RANBP2: variants seen among roughly 807,000 people sequenced by gnomAD.
RANBP2 encodes RAN binding protein 2.
In RANBP2, 57 loss-of-function variants were observed where a neutral mutation model predicts 303.6. That is an observed-to-expected ratio of 0.19 (90% CI 0.15 to 0.23). RANBP2 has a LOEUF of 0.23. RANBP2 is among the 10% of genes least tolerant of loss of function. The probability of loss-of-function intolerance (pLI) is 1.00; values close to 1 mark genes in which losing one functional copy is unlikely to be tolerated. For synonymous variants in RANBP2, 1,167 were observed against 1,301.5 expected, an observed-to-expected ratio of 0.90 and a Z score of 2.23; for missense variants, 3,138 against 3,780.8, an observed-to-expected ratio of 0.83 and a Z score of 4.46.
the RANBP2 span, among the ~76,000 whole-genome samples, chr2:109,611,301 A>G: frequency 3.3e-5 from 5 of 152,362 alleles, no homozygotes; most frequent in Admixed American, 2.0e-4. Flanking sequence ...TTGACACCAA[A>G]AGCACAATCC....
chr2:109,611,753 C>T, the RANBP2 span, among the ~76,000 whole-genome samples: 10 of 152,098 alleles, frequency 6.6e-5, no homozygotes, highest in East Asian at 1.4e-3. Flanking sequence ...GGTGACAATA[C>T]GAGAAATCCA....
At chr2:108,774,493 G>A (rs1677735090) in intron 23 of RANBP2, among the ~76,000 whole-genome samples, 1 of 152,112 alleles carries the variant, frequency 6.6e-6, no homozygotes, top group African/African-American at 2.4e-5. Context: ...GGTAATACTG[G>A]TATCATAAAA....
chr2:109,318,548 T>C, the RANBP2 span, among the ~76,000 whole-genome samples: 1 of 152,214 alleles, frequency 6.6e-6, no homozygotes, highest in African/African-American at 2.4e-5. Flanking sequence ...CTGTGGTTTG[T>C]CCTTGCGGGT....
chr2:109,026,181 AC>A, the RANBP2 span, among the ~76,000 whole-genome samples: 2 of 151,860 alleles, frequency 1.3e-5, no homozygotes, highest in Non-Finnish European at 2.9e-5. Context: ...TCACTCTGTC[AC>A]CCAGGCTGGA....
the RANBP2 span, among the ~76,000 whole-genome samples, chr2:109,670,986 A>T: frequency 6.6e-6 from 1 of 152,186 alleles, no homozygotes; most frequent in South Asian, 2.1e-4. Context: ...GTGCCTGGCC[A>T]GCTTGGGCCA....
At chr2:109,206,238 C>G in the RANBP2 span, among the ~76,000 whole-genome samples, 1 of 152,090 alleles carries the variant, frequency 6.6e-6, no homozygotes, top group Non-Finnish European at 1.5e-5. Context: ...CGCCTGTAAT[C>G]CCAGCACTTT....
Position 108,765,527 on chromosome 2 carries a change from C to G in RANBP2, c.4988C>G (p.Thr1663Ser). ...APKSGFEGMF[T>S]KKEGQWDCSV... Reference sequence around the variant, plus strand: ...AAGAGCGGATTTGAGGGAATGTTCACTAAGAAGGAGGGACAGTGGGATTGC... The same window carrying G: ...AAGAGCGGATTTGAGGGAATGTTCAGTAAGAAGGAGGGACAGTGGGATTGC... The change falls in exon 20 of 29, where the codon ACT becomes AGT. Residue 1663 changes from threonine (T) to serine (S), a missense_variant. By Grantham distance (58) the Thr-to-Ser change is moderately conservative (BLOSUM62 1). Around this residue, in one of 20 missense-constraint regions of RANBP2, gnomAD observed 51 missense variants for 112.1 expected, o/e 0.45. Transcript: ENST00000283195. The G allele has an allele frequency of 6.4e-7, 1 of 1,563,730 alleles. No homozygotes were observed. The highest frequency in any genetic ancestry group is 2.3e-5 in the East Asian group (1 of 43,066).
the RANBP2 span, among the ~76,000 whole-genome samples, chr2:109,339,211 GA>G: frequency 7.7e-3 from 1,008 of 130,668 alleles, 11 homozygotes; most frequent in East Asian, 0.054. Context: ...AACTTTTATT[GA>G]AAAAAATCCA....
At chr2:109,579,586 C>G in the RANBP2 span, among the ~76,000 whole-genome samples, 1 of 151,408 alleles carries the variant, frequency 6.6e-6, no homozygotes. Flanking sequence ...TTTCACCATG[C>G]TGGTCAGGCT....
chr2:109,613,915 C>T, the RANBP2 span: 2 of 1,224,474 alleles, frequency 1.6e-6, no homozygotes, highest in South Asian at 8.1e-5. Context: ...GGCCGGAGGG[C>T]AGAAGCAACG....
At chr2:109,620,008 T>C in the RANBP2 span, among the ~76,000 whole-genome samples, 2 of 152,180 alleles carry the variant, frequency 1.3e-5, no homozygotes, top group African/African-American at 2.4e-5. Flanking sequence ...ATACTTTTTT[T>C]CTCAATCTTC....
chr2:108,904,263 T>A, the RANBP2 span, among the ~76,000 whole-genome samples: 71 of 152,130 alleles, frequency 4.7e-4, 1 homozygote, highest in African/African-American at 1.6e-3. Flanking sequence ...CAATAAGATA[T>A]CATAACACAC....
chr2:109,172,474 G>T, the RANBP2 span, among the ~76,000 whole-genome samples: 1 of 152,122 alleles, frequency 6.6e-6, no homozygotes, highest in Non-Finnish European at 1.5e-5. Context: ...TTATCCTCTT[G>T]GTGTTTGCAG....
the RANBP2 span, among the ~76,000 whole-genome samples, chr2:109,734,959 G>A: frequency 6.6e-6 from 1 of 151,932 alleles, no homozygotes; most frequent in Admixed American, 6.6e-5. Flanking sequence ...CTCAAATCAG[G>A]GTAATTATCA....
the RANBP2 span, chr2:109,130,235 C>A: frequency 1.1e-6 from 1 of 935,980 alleles, no homozygotes; most frequent in Non-Finnish European, 1.4e-6. Context: ...TGGCCCACTC[C>A]GCTGTTGCTC....
At chr2:109,161,249 T>C in the RANBP2 span, among the ~76,000 whole-genome samples, 3 of 151,948 alleles carry the variant, frequency 2.0e-5, no homozygotes, top group Non-Finnish European at 4.4e-5. Context: ...CAGGCACGAG[T>C]ATGCAGTGAT....
chr2:109,582,184 A>T, the RANBP2 span, among the ~76,000 whole-genome samples: 1 of 152,270 alleles, frequency 6.6e-6, no homozygotes, highest in African/African-American at 2.4e-5. Context: ...GAGAACTACA[A>T]AACACTGCTG....
At position 108,754,962 on chromosome 2, in the gene RANBP2, G is replaced by A. The variant is rs1353073809; in HGVS notation, c.2260G>A (p.Glu754Lys). 3.1e-6 allele frequency: 5 copies of A among 1,611,796 alleles called. No individual in the cohort carries two copies. The highest frequency in any genetic ancestry group is 2.2e-5 in the East Asian group (1 of 44,834). ...EMLNSVMQEL[E>K]DYSEGGPLYK... ...GCTTAATTCAGTCATGCAGGAACTCGAAGACTATAGTGAAGGAGGTCCTCT... is the reference window on the plus strand; with the variant it reads ...GCTTAATTCAGTCATGCAGGAACTCAAAGACTATAGTGAAGGAGGTCCTCT... Residue 754 changes from glutamate to lysine, a missense_variant, in exon 16 of 29, where the codon GAA becomes AAA. Physicochemically the swap from Glu to Lys is moderately conservative, Grantham distance 56. Transcript: ENST00000283195.
At chr2:109,027,781 C>T in the RANBP2 span, among the ~76,000 whole-genome samples, 153 of 152,276 alleles carry the variant, frequency 1.0e-3, 3 homozygotes, top group South Asian at 0.031. Context: ...GGCAGCTCTG[C>T]AGCCTGGCAT....
Sources: gnomAD v4.1 joint callset for allele counts (sites outside exome capture counted in the v4.1 genomes callset) on GRCh38, gnomAD v4.1.1 for gene constraint, gnomAD v4.1.1 regional missense constraint, MANE v1.5 for transcripts, NCBI Gene and HGNC (gene_info 2026-07-23, HGNC 2026-07-21) for gene names.